AMBRA1: variants seen among roughly 807,000 people sequenced by gnomAD.
AMBRA1 encodes activating molecule in BECN1-regulated autophagy protein 1.
In AMBRA1, 47 loss-of-function variants were observed where a neutral mutation model predicts 125.4. The observed-to-expected ratio is 0.37, with a 90% CI of 0.30 to 0.48. The LOEUF is 0.48. AMBRA1 is among the 20% of genes least tolerant of loss of function. The pLI is 0.99. For missense variants in AMBRA1, 1,331 were observed against 1,693.4 expected (o/e 0.79, Z 3.76); for synonymous variants, 626 against 655.5 (o/e 0.95, Z 0.69).
At chr11:46,398,392 G>C (rs778001826) in intron 17 of AMBRA1, among the ~76,000 whole-genome samples, 1 of 152,218 alleles carries the variant, frequency 6.6e-6, no homozygotes, top group Non-Finnish European at 1.5e-5. Context: ...GGCCCAAAGG[G>C]AAACAGTCTG....
intron 1 of AMBRA1, among the ~76,000 whole-genome samples, chr11:46,569,738 C>G (rs1565308612): frequency 6.8e-6 from 1 of 147,488 alleles, no homozygotes; most frequent in Admixed American, 6.7e-5. Context: ...GCCAACATGG[C>G]TAGTCATGTT....
chr11:46,585,695 A>AAAT (rs1555017410), intron 1 of AMBRA1, among the ~76,000 whole-genome samples: 10 of 22,904 alleles, frequency 4.4e-4, no homozygotes, highest in South Asian at 1.4e-3. Context: ...AAAAAAAAAA[A>AAAT]ATATATATAT....
At chr11:46,580,709 C>T (rs1201146352) in intron 1 of AMBRA1, among the ~76,000 whole-genome samples, 1 of 152,202 alleles carries the variant, frequency 6.6e-6, no homozygotes, top group Admixed American at 6.6e-5. Context: ...TGGACCACTG[C>T]AATACTTCCT....
chr11:46,594,014 A>C lies in AMBRA1; in HGVS notation c.-307T>G. The C allele has an allele frequency of 7.5e-6, 3 of 398,632 alleles. No homozygotes were observed. The highest frequency in any genetic ancestry group is 8.8e-6 in the Non-Finnish European group (2 of 226,078). The allele number at this position is 398,632 out of a possible 1,614,324, so 24.7% of individuals were successfully genotyped here. ...GCGCCGCCGCCGCTCAGGAGACATC[A>C]AGCAAGAAGACGGCGCAAAAGATCA... On this transcript the variant is annotated 5_prime_UTR_variant, in exon 1 of 18. Coordinates refer to ENST00000683756, the MANE Select transcript of AMBRA1 (RefSeq NM_001387011.1).
intron 1 of AMBRA1, among the ~76,000 whole-genome samples, chr11:46,556,609 G>A (rs754744727): frequency 7.9e-5 from 12 of 152,028 alleles, no homozygotes; most frequent in East Asian, 3.8e-4. Context: ...TATGGGCCCC[G>A]CAGTCAGAAT....
chr11:46,412,290 T>C (rs772341177), intron 15 of AMBRA1, among the ~76,000 whole-genome samples: 10 of 152,164 alleles, frequency 6.6e-5, no homozygotes, highest in Non-Finnish European at 8.8e-5. Context: ...ATTATGCAAA[T>C]AGTTATTATA....
chr11:46,416,122 C>T (rs1590744684), intron 15 of AMBRA1, among the ~76,000 whole-genome samples: 2 of 152,296 alleles, frequency 1.3e-5, no homozygotes, highest in South Asian at 4.1e-4. Context: ...AAAGAAAGGC[C>T]TGTAACTGAA....
At chr11:46,588,468 A>AC (rs1313427124) in intron 1 of AMBRA1, among the ~76,000 whole-genome samples, 1 of 152,160 alleles carries the variant, frequency 6.6e-6, no homozygotes, top group African/African-American at 2.4e-5. Flanking sequence ...CTTTTTCTCA[A>AC]TGTAATCAAC....
intron 11 of AMBRA1, among the ~76,000 whole-genome samples, chr11:46,447,898 G>A (rs1948386339): frequency 1.3e-5 from 2 of 152,038 alleles, no homozygotes. Flanking sequence ...AGACCATCTT[G>A]TAAATAAATA....
intron 11 of AMBRA1, among the ~76,000 whole-genome samples, chr11:46,480,835 G>A (rs955816377): frequency 1.3e-5 from 2 of 152,196 alleles, no homozygotes; most frequent in Admixed American, 1.3e-4. Context: ...TGATAGAAGA[G>A]GAAAATTTCA....
chr11:46,591,921 C>T (rs2044612999), intron 1 of AMBRA1, among the ~76,000 whole-genome samples: 1 of 151,640 alleles, frequency 6.6e-6, no homozygotes, highest in African/African-American at 2.4e-5. Context: ...CTTATCCAAC[C>T]CAGAATGACC....
At position 46,433,543 on chromosome 11, in the gene AMBRA1, G is replaced by A. The variant is rs1385370013; in HGVS notation, c.2907C>T (p.Pro969=). Residue 969 remains proline (P), a synonymous_variant, in exon 14 of 18, where the codon CCC becomes CCT. Coordinates refer to ENST00000683756, the MANE Select transcript of AMBRA1 (RefSeq NM_001387011.1). ...CCTGGGCCACCATGTGCTCTGTGGA[G>A]GGGTGCAGCAGGATCCTTCGTGAGG... ...GLASRRILLH[P]STEHMVAQVF... 8.1e-6 allele frequency: 13 copies of A among 1,614,080 alleles called. No homozygotes were observed. Among genetic ancestry groups the A allele is most frequent in the Middle Eastern group, 1.6e-4 (1 of 6,082 alleles).
intron 7 of AMBRA1, among the ~76,000 whole-genome samples, chr11:46,523,433 T>TC (rs1218342830): frequency 1.3e-5 from 2 of 151,878 alleles, no homozygotes; most frequent in Non-Finnish European, 2.9e-5. Context: ...TCCACTCTCC[T>TC]CCCCCGTTCC....
intron 1 of AMBRA1, among the ~76,000 whole-genome samples, chr11:46,560,812 A>C (rs1423315369): frequency 6.6e-6 from 1 of 152,230 alleles, no homozygotes; most frequent in Non-Finnish European, 1.5e-5. Context: ...AGCAACAAAA[A>C]AAGAGTAGCT....
intron 1 of AMBRA1, among the ~76,000 whole-genome samples, chr11:46,558,005 G>A (rs2043209478): frequency 6.6e-6 from 1 of 152,186 alleles, no homozygotes. Context: ...TGGAGAGAGA[G>A]AAGCCACGTG....
chr11:46,482,892 C>G (rs1044367459), intron 11 of AMBRA1, among the ~76,000 whole-genome samples: 1 of 151,976 alleles, frequency 6.6e-6, no homozygotes, highest in African/African-American at 2.4e-5. Context: ...GCCTGTAGTT[C>G]CAGCTACTCA....
At chr11:46,419,047 C>A (rs890996695) in intron 14 of AMBRA1, among the ~76,000 whole-genome samples, 8 of 152,106 alleles carry the variant, frequency 5.3e-5, no homozygotes, top group African/African-American at 1.9e-4. Flanking sequence ...TAATTAAAAG[C>A]AATGTTAAAA....
intron 11 of AMBRA1, among the ~76,000 whole-genome samples, chr11:46,446,448 T>G (rs529434799): frequency 2.0e-5 from 3 of 152,308 alleles, no homozygotes; most frequent in Admixed American, 2.0e-4. Context: ...ACGAGGCACT[T>G]AGCCTCAGAA....
chr11:46,565,151 G>A (rs1415072493), intron 1 of AMBRA1, among the ~76,000 whole-genome samples: 2 of 152,116 alleles, frequency 1.3e-5, no homozygotes, highest in African/African-American at 4.8e-5. Context: ...CAGTTACTCA[G>A]GAGGCTGAGG....
Sources: allele counts gnomAD v4.1 joint callset (sites outside exome capture counted in the v4.1 genomes callset), GRCh38; gene constraint gnomAD v4.1.1; transcripts MANE v1.5; gene names NCBI Gene and HGNC (gene_info 2026-07-23, HGNC 2026-07-21).